The following TMEM63A variants were observed in gnomAD, a reference collection of about 807,000 sequenced individuals.
The protein encoded by TMEM63A is mechanosensitive cation channel TMEM63A.
Under a neutral mutation model 100.6 loss-of-function variants are expected in TMEM63A, and 76 were observed. The ratio of observed to expected loss-of-function variants is 0.76; its 90% confidence interval spans 0.63 to 0.91. The LOEUF (loss-of-function observed/expected upper bound fraction) is 0.91, where lower values mean the gene tolerates loss of function less well. Among genes scored for constraint, TMEM63A ranks in the 40% least tolerant of loss-of-function variants. The probability of loss-of-function intolerance (pLI) is 0.00; values close to 1 mark genes in which losing one functional copy is unlikely to be tolerated. For synonymous variants in TMEM63A, 401 were observed against 401.1 expected, an observed-to-expected ratio of 1.00 and a Z score of 0.00; for missense variants, 876 against 1,008.8, an observed-to-expected ratio of 0.87 and a Z score of 1.78.
At chr1:225,879,863 G>A (rs1383352010) in intron 1 of TMEM63A, among the ~76,000 whole-genome samples, 1 of 152,230 alleles carries the variant, frequency 6.6e-6, no homozygotes, top group Non-Finnish European at 1.5e-5. Flanking sequence ...CATGAACAAG[G>A]AAGGCTTGAA....
downstream of TMEM63A, chr1:225,844,444 G>C (rs1668738066): frequency 1.2e-6 from 2 of 1,613,338 alleles, no homozygotes; most frequent in Admixed American, 3.3e-5. Context: ...GCTGCCCTTT[G>C]TCACACAACT....
downstream of TMEM63A, chr1:225,844,630 C>T: frequency 1.9e-6 from 3 of 1,613,904 alleles, no homozygotes; most frequent in Non-Finnish European, 2.5e-6. Context: ...AGCGGTGAGC[C>T]TGGCTGAGCC....
intron 23 of TMEM63A, chr1:225,848,186 C>T: frequency 2.6e-6 from 1 of 391,488 alleles, no homozygotes; most frequent in South Asian, 4.3e-5. Flanking sequence ...TTACCATGTG[C>T]CTTCACTAAA....
At chr1:225,877,817 C>T (rs1470237213) in intron 2 of TMEM63A, 4 of 486,884 alleles carry the variant, frequency 8.2e-6, no homozygotes, top group Non-Finnish European at 1.1e-5. Context: ...ATCAGATGGT[C>T]AGAGTGGATG....
Position 225,856,723 on chromosome 1 carries a change from C to T in TMEM63A, c.1500G>A (p.Gln500=), listed in dbSNP as rs1669635124. The T allele has an allele frequency of 1.9e-6, 3 of 1,613,858 alleles. No homozygotes were observed. Among genetic ancestry groups the T allele is most frequent in the Non-Finnish European group, 2.5e-6 (3 of 1,179,960 alleles). The change falls in exon 17 of 25, where the codon CAG becomes CAA. Residue 500 remains glutamine (Q), a synonymous_variant. Transcript: ENST00000366835. ...ESHWTKSGEN[Q]IMMTKVYIFL... is the part of the protein sequence containing the mutation. ...ATATGTAGACTTTGGTCATCATGAT[C>T]TGGTTTTCCCCCGACCTGCAGGAAG...
In TMEM63A at chr1:225,859,763, G is replaced by A. The variant is rs73127764; in HGVS notation, c.1224-414C>T. 781 of 189,988 alleles carry A rather than the reference G, an allele frequency of 4.1e-3. 10 individuals carry two copies. The highest frequency in any genetic ancestry group is 0.018 in the African/African-American group (735 of 41,512). The allele number at this position is 189,988 out of a possible 1,614,324, so 11.8% of individuals were successfully genotyped here. On this transcript the variant is annotated intron_variant, in intron 14 of 24. Transcript: ENST00000366835. ...CAGGTTCAAGCAATTCTCCTGCTCA[G>A]CCTCCCATGTAGCTGGGACTATAGG...
intron 20 of TMEM63A, among the ~76,000 whole-genome samples, chr1:225,851,001 G>A (rs147686177): frequency 0.021 from 3,128 of 152,142 alleles, 50 homozygotes; most frequent in Non-Finnish European, 0.034. Flanking sequence ...GAGAGCCACC[G>A]CACCCGGCAG....
chr1:225,864,312 C>T (rs1373289104), intron 10 of TMEM63A: 2 of 152,192 alleles, frequency 1.3e-5, no homozygotes, highest in Non-Finnish European at 2.9e-5. Context: ...AGAGAGACAG[C>T]CCATAGGTAT....
intron 21 of TMEM63A, among the ~76,000 whole-genome samples, chr1:225,849,391 TC>T (rs1374729709): frequency 6.6e-6 from 1 of 152,108 alleles, no homozygotes; most frequent in Non-Finnish European, 1.5e-5. Context: ...GACGTGTCTT[TC>T]CCCCAGGAGT....
chr1:225,871,987 C>T lies in TMEM63A; in HGVS notation c.333G>A (p.Leu111=). 6.2e-7 allele frequency: 1 copy of T among 1,612,454 alleles called. No homozygotes were observed. Residue 111 remains leucine (L), a splice_region_variant and synonymous_variant, in exon 5 of 25, where the codon CTG becomes CTA. Coordinates refer to ENST00000366835, the MANE Select transcript of TMEM63A (RefSeq NM_014698.3). The part of the protein sequence containing the change: ...SSGQQDFENE[L]GCCPWLTAIF... ...CCACAACTGGGCCTTAGATACCAAC[C>T]AGCTCATTTTCAAAGTCTTGTTGAC...
intron 4 of TMEM63A, 53 bp from the exon 5 acceptor site, chr1:225,872,106 A>C: frequency 7.4e-7 from 1 of 1,343,876 alleles, no homozygotes; most frequent in South Asian, 1.3e-5. Context: ...AAAAAAAAAA[A>C]GCCAAACAAG....
At chr1:225,872,935 A>T (rs1298806958) in intron 4 of TMEM63A, among the ~76,000 whole-genome samples, 3 of 150,124 alleles carry the variant, frequency 2.0e-5, no homozygotes, top group African/African-American at 7.3e-5. Flanking sequence ...CTCATGATCC[A>T]CCCCCGCCTC....
chr1:225,881,231 C>A (rs1671072345), intron 1 of TMEM63A, among the ~76,000 whole-genome samples: 3 of 152,212 alleles, frequency 2.0e-5, no homozygotes, highest in African/African-American at 7.2e-5. Flanking sequence ...GAGTTAGGGT[C>A]TCAGCACCAC....
chr1:225,861,947 C>T (rs368772225), intron 13 of TMEM63A: 20 of 531,554 alleles, frequency 3.8e-5, no homozygotes, highest in South Asian at 3.4e-4. Flanking sequence ...GGGAAGAGCC[C>T]AGCAGTGGGG....
chr1:225,861,019 G>GC, intron 13 of TMEM63A, 22 bp from the exon 14 acceptor site: 1 of 1,593,710 alleles, frequency 6.3e-7, no homozygotes, highest in Non-Finnish European at 8.5e-7. Flanking sequence ...TGTAGCAACA[G>GC]CCAGGCCCAG....
chr1:225,874,304 C>T lies in TMEM63A; in HGVS notation c.250G>A (p.Val84Met), dbSNP rs767905205. Residue 84 changes from valine (V) to methionine (M), a missense_variant, in exon 4 of 25, where the codon GTG becomes ATG. This residue lies in a region of TMEM63A where 487 missense variants were observed against 581.9 expected (regional missense o/e 0.84). Coordinates refer to ENST00000366835, the MANE Select transcript of TMEM63A (RefSeq NM_014698.3). The part of the protein sequence containing the change: ...RFWDYGRIAL[V>M]SEADSESRFQ... ...TGTCTTTACCTGTCTGCTTCTGACA[C>T]CAGGGCAATGCGGCCATAGTCCCAG... is the stretch of plus-strand genomic sequence containing the variant. 2 of 1,614,092 alleles carry T rather than the reference C, an allele frequency of 1.2e-6. No homozygotes were observed. The highest frequency in any genetic ancestry group is 1.7e-5 in the Admixed American group (1 of 59,992).
chr1:225,853,557 G>A lies in TMEM63A; in HGVS notation c.1797+72C>T. ...CCACTAGTGGGGGTAGTGGGGGTGA[G>A]AGGCCCTCGGGTCAGTGAAGGGGGA... On this transcript the variant is annotated intron_variant, in intron 19 of 24. Coordinates refer to ENST00000366835, the MANE Select transcript of TMEM63A (RefSeq NM_014698.3). This position sits in a 1 kb window ranked among gnomAD's most constrained non-coding sequence, Gnocchi z 4.0. The A allele has an allele frequency of 7.1e-7, 1 of 1,415,378 alleles. No homozygotes were observed. Among genetic ancestry groups the A allele is most frequent in the South Asian group, 1.5e-5 (1 of 66,920 alleles). The allele number at this position is 1,415,378 out of a possible 1,614,324, so 87.7% of individuals were successfully genotyped here.
rs757665625 is a variant in TMEM63A at position 225,862,305 on chromosome 1, T to A, written c.998A>T (p.Glu333Val). ...YYTRMKDRLL[E>V]RITEEERHVQ... ...GTGGCGTTCTTCCTCTGTGATCCTC[T>A]CCAGCAGCCTGTCCTTCATCCGTGT... Residue 333 changes from glutamate to valine, a missense_variant, in exon 13 of 25, where the codon GAG becomes GTG. This residue lies in a region of TMEM63A where 487 missense variants were observed against 581.9 expected (regional missense o/e 0.84). Coordinates refer to ENST00000366835, the MANE Select transcript of TMEM63A (RefSeq NM_014698.3). The surrounding 1 kb of genome is among the most constrained non-coding windows in gnomAD (Gnocchi z 5.1). The A allele has an allele frequency of 2.0e-5, 32 of 1,614,028 alleles. No individual in the cohort carries two copies. The highest frequency in any genetic ancestry group is 1.6e-4 in the Middle Eastern group (1 of 6,084).
At chr1:225,870,897 C>T (rs1670477420) in intron 6 of TMEM63A, among the ~76,000 whole-genome samples, 179 bp downstream of exon 6, 1 of 152,192 alleles carries the variant, frequency 6.6e-6, no homozygotes, top group Admixed American at 6.5e-5. Context: ...CCCCTGACCC[C>T]AGGGGCTGCC....
Sources: allele counts gnomAD v4.1 joint callset (sites outside exome capture counted in the v4.1 genomes callset), GRCh38; gene constraint gnomAD v4.1.1; regional missense constraint gnomAD v4.1.1; non-coding constraint Gnocchi (gnomAD v3.1); transcripts MANE v1.5; gene names NCBI Gene and HGNC (gene_info 2026-07-23, HGNC 2026-07-21).